YOD1: variants seen among roughly 807,000 people sequenced by gnomAD.
The protein encoded by YOD1 is YOD1 deubiquitinase, also known as ubiquitin thioesterase OTU1.
Under a neutral mutation model 23.7 loss-of-function variants are expected in YOD1, and 17 were observed. That is an observed-to-expected ratio of 0.72 (90% CI 0.49 to 1.07). The LOEUF (loss-of-function observed/expected upper bound fraction) is 1.07, where lower values mean the gene tolerates loss of function less well. YOD1 is among the 50% of genes least tolerant of loss of function. The pLI, the probability that YOD1 is intolerant of heterozygous loss-of-function variation, is 0.00. For synonymous variants in YOD1, 191 were observed against 169.6 expected (o/e 1.13, Z -0.98); for missense variants, 413 against 447.2 (o/e 0.92, Z 0.69).
Position 207,048,784 on chromosome 1 carries a change from T to TGTCA in YOD1, c.*232_*235dup, listed in dbSNP as rs1402434829. 2 of 480,660 alleles carry TGTCA rather than the reference T, an allele frequency of 4.2e-6. No individual in the cohort carries two copies. Among genetic ancestry groups the TGTCA allele is most frequent in the Non-Finnish European group, 7.4e-6 (2 of 269,498 alleles). The allele number at this position is 480,660 out of a possible 1,614,324, so 29.8% of individuals were successfully genotyped here. On this transcript the variant is annotated 3_prime_UTR_variant, in exon 2 of 2. Coordinates refer to ENST00000315927, the MANE Select transcript of YOD1 (RefSeq NM_018566.4). Reference sequence around the variant, plus strand: ...AGTAGGTGGCAAGGATCACCTATTCTGTCACTCCAGCAGAAAGAGGCATGT... The same window carrying TGTCA: ...AGTAGGTGGCAAGGATCACCTATTCTGTCAGTCACTCCAGCAGAAAGAGGCATGT...
chr1:207,044,612 G>A lies in YOD1; in HGVS notation c.*4408C>T, dbSNP rs921856979. On this transcript the variant is annotated 3_prime_UTR_variant, in exon 2 of 2. Transcript: ENST00000315927. ...GTATAAAAGGGCATCATGGCAAAAT[G>A]CTTATAATTCATGGTTTCATACTTT... The A allele has an allele frequency of 6.6e-6, 1 of 152,232 alleles. No homozygotes were observed. The highest frequency in any genetic ancestry group is 1.5e-5 in the Non-Finnish European group (1 of 67,954). 9.4% of individuals were successfully genotyped at this position (152,232 alleles called of 1,614,324 possible). A position where few individuals can be genotyped will look rare whatever the true frequency, so the allele number is the denominator to read the frequency against.
rs189355581 is a variant in YOD1, at chr1:207,049,249, C to T, written c.818G>A (p.Arg273His). The T allele has an allele frequency of 9.9e-6, 16 of 1,613,954 alleles. No individual in the cohort carries two copies. The highest frequency in any genetic ancestry group is 8.0e-5 in the African/African-American group (6 of 74,866). ...YDGIHYDPLQRNFPDPDTPPL... is the reference protein window; with the variant it reads ...YDGIHYDPLQHNFPDPDTPPL... ...AGGTGTATCTGGATCAGGGAAGTTA[C>T]GCTGAAGTGGATCATAGTGGATGCC... is the stretch of plus-strand genomic sequence containing the variant. The change falls in exon 2 of 2, where the codon CGT becomes CAT. Residue 273 changes from arginine to histidine, a missense_variant. Arg to His is a conservative substitution (Grantham distance 29). Transcript: ENST00000315927.
chr1:207,046,072 A>C lies in YOD1; in HGVS notation c.*2948T>G, dbSNP rs1682594889. 1 of 152,096 alleles carries C rather than the reference A, an allele frequency of 6.6e-6. No homozygotes were observed. Among genetic ancestry groups the C allele is most frequent in the African/African-American group, 2.4e-5 (1 of 41,456 alleles). The allele number at this position is 152,096 out of a possible 1,614,324, so 9.4% of individuals were successfully genotyped here. A position where few individuals can be genotyped will look rare whatever the true frequency, so the allele number is the denominator to read the frequency against. On this transcript the variant is annotated 3_prime_UTR_variant, in exon 2 of 2. Transcript: ENST00000315927. The stretch of plus-strand genomic sequence containing the variant: ...TCTGAAATCACTTTATTCAGGAGTG[A>C]ATCTTCATAGTACTACACCTGACCT...
chr1:207,051,112 T>G lies in YOD1; in HGVS notation c.-82A>C. Reference sequence around the variant, plus strand: ...TAGTACCTTAGCAAGCGCGAACTCTTTTAAAGTGACAACTGATTTTTCCCC... The same window carrying G: ...TAGTACCTTAGCAAGCGCGAACTCTGTTAAAGTGACAACTGATTTTTCCCC... On this transcript the variant is annotated 5_prime_UTR_variant, in exon 1 of 2. Transcript: ENST00000315927. 7.0e-7 allele frequency: 1 copy of G among 1,427,968 alleles called. No homozygotes were observed. The allele number at this position is 1,427,968 out of a possible 1,614,324, so 88.5% of individuals were successfully genotyped here.
upstream of YOD1, chr1:207,052,090 C>T (rs930375659): frequency 2.0e-6 from 2 of 1,025,364 alleles, no homozygotes; most frequent in Non-Finnish European, 3.0e-6. Context: ...GGGATTCAGA[C>T]AGCAAGTCCC....
In YOD1 at chr1:207,047,988, C is replaced by T. The variant is rs1345698003; in HGVS notation, c.*1032G>A. On this transcript the variant is annotated 3_prime_UTR_variant, in exon 2 of 2. Transcript: ENST00000315927. ...GTGCAAAAAATCTTACAAAAACCAA[C>T]CCAAAGCAGAGCATTATTACTTGAA... 1 of 152,118 alleles carries T rather than the reference C, an allele frequency of 6.6e-6. No individual in the cohort carries two copies. The highest frequency in any genetic ancestry group is 2.4e-5 in the African/African-American group (1 of 41,380). The allele number at this position is 152,118 out of a possible 1,614,324, so 9.4% of individuals were successfully genotyped here.
Position 207,046,768 on chromosome 1 carries a change from T to C in YOD1, c.*2252A>G, listed in dbSNP as rs1682608398. ...TCTATTCCTTTCCATTTGTTAAATT[T>C]ACCCACTGTAGAAAATATATACTGA... On this transcript the variant is annotated 3_prime_UTR_variant, in exon 2 of 2. Coordinates refer to ENST00000315927, the MANE Select transcript of YOD1 (RefSeq NM_018566.4). The C allele has an allele frequency of 6.6e-6, 1 of 152,132 alleles. No homozygotes were observed. 9.4% of individuals were successfully genotyped at this position (152,132 alleles called of 1,614,324 possible).
chr1:207,050,526 T>C (rs1325291796), intron 1 of YOD1, among the ~76,000 whole-genome samples, 162 bp downstream of exon 1: 1 of 152,210 alleles, frequency 6.6e-6, no homozygotes, highest in Non-Finnish European at 1.5e-5. Flanking sequence ...ACACTTGCCC[T>C]GGCCCCCGTC....
chr1:207,050,265 G>A (rs74863032), intron 1 of YOD1, among the ~76,000 whole-genome samples: 3 of 151,926 alleles, frequency 2.0e-5, no homozygotes, highest in East Asian at 1.9e-4. Context: ...CCTGTCAAAC[G>A]AAGTATCTAC....
intron 1 of YOD1, 75 bp downstream of exon 1, chr1:207,050,613 A>C: frequency 6.3e-7 from 1 of 1,586,410 alleles, no homozygotes; most frequent in Non-Finnish European, 8.6e-7. Flanking sequence ...CCTTGCCTTG[A>C]CTGGTGTTTT....
chr1:207,048,975 C>G lies in YOD1; in HGVS notation c.*45G>C. ...AGCTTATTGGAAAACCCAGAGCCTT[C>G]TGGATGTGTGAGGTAGTAGGCTTCA... On this transcript the variant is annotated 3_prime_UTR_variant, in exon 2 of 2. Coordinates refer to ENST00000315927, the MANE Select transcript of YOD1 (RefSeq NM_018566.4). 6.4e-7 allele frequency: 1 copy of G among 1,556,040 alleles called. No individual in the cohort carries two copies. The highest frequency in any genetic ancestry group is 8.7e-7 in the Non-Finnish European group (1 of 1,143,228).
rs745927231 is a variant in YOD1, at chr1:207,044,825, TC to T, written c.*4194del. ...TTGTCTTCTTGGCCCTTTTCTCCCT[TC>T]ACTCTACCATGAGGGGGTTACCAAC... On this transcript the variant is annotated 3_prime_UTR_variant, in exon 2 of 2. Coordinates refer to ENST00000315927, the MANE Select transcript of YOD1 (RefSeq NM_018566.4). The T allele has an allele frequency of 1.3e-5, 2 of 152,510 alleles. No individual in the cohort carries two copies. Among genetic ancestry groups the T allele is most frequent in the Non-Finnish European group, 2.9e-5 (2 of 67,948 alleles). 9.4% of individuals were successfully genotyped at this position (152,510 alleles called of 1,614,324 possible).
At position 207,051,046 on chromosome 1, in the gene YOD1, G is replaced by C. The variant is rs780176161; in HGVS notation, c.-16C>G. ...GGCCAAACATCGCGAGAAGTTGCGGGTGGTTGCAGTTATCGCGACGCTTCG... is the reference window on the plus strand; with the variant it reads ...GGCCAAACATCGCGAGAAGTTGCGGCTGGTTGCAGTTATCGCGACGCTTCG... On this transcript the variant is annotated 5_prime_UTR_variant, in exon 1 of 2. Transcript: ENST00000315927. 4 of 1,487,382 alleles carry C rather than the reference G, an allele frequency of 2.7e-6. No homozygotes were observed. In the South Asian group the frequency reaches 5.1e-5, roughly 19 times the overall value. The allele number at this position is 1,487,382 out of a possible 1,614,324, so 92.1% of individuals were successfully genotyped here. A position where few individuals can be genotyped will look rare whatever the true frequency, so the allele number is the denominator to read the frequency against.
At chr1:207,050,199 A>T (rs147656233) in intron 1 of YOD1, among the ~76,000 whole-genome samples, 1 of 152,344 alleles carries the variant, frequency 6.6e-6, no homozygotes, top group African/African-American at 2.4e-5. Context: ...GCTGCTGGTT[A>T]GAAATTGAAA....
rs987420795 is a variant in YOD1 at position 207,045,097 on chromosome 1, C to T, written c.*3923G>A. 5 of 152,406 alleles carry T rather than the reference C, an allele frequency of 3.3e-5. No individual in the cohort carries two copies. The highest frequency in any genetic ancestry group is 1.3e-4 in the Admixed American group (2 of 15,276). 9.4% of individuals were successfully genotyped at this position (152,406 alleles called of 1,614,324 possible). A position where few individuals can be genotyped will look rare whatever the true frequency, so the allele number is the denominator to read the frequency against. The stretch of plus-strand genomic sequence containing the variant: ...TAGCTTATTCAAATCAAGTGTTTCA[C>T]TTTGGACTTAAAATGATGCCACTTG... On this transcript the variant is annotated 3_prime_UTR_variant, in exon 2 of 2. Transcript: ENST00000315927.
At position 207,049,104 on chromosome 1, in the gene YOD1, C is replaced by T. The variant is rs1682667462; in HGVS notation, c.963G>A (p.Met321Ile). 6.2e-7 allele frequency: 1 copy of T among 1,613,834 alleles called. No individual in the cohort carries two copies. Among genetic ancestry groups the T allele is most frequent in the Non-Finnish European group, 8.5e-7 (1 of 1,180,004 alleles). ...TDVNRFTLRC[M>I]VCQKGLTGQA... ...GTCCAGTTAATCCTTTCTGACATAC[C>T]ATGCATCTCAGGGTGAAGCGGTTGA... Residue 321 changes from methionine (M) to isoleucine (I), a missense_variant, in exon 2 of 2, where the codon ATG (methionine) becomes ATA (isoleucine). Physicochemically the swap from Met to Ile is conservative, Grantham distance 10. Transcript: ENST00000315927.
chr1:207,050,870 T>C lies in YOD1; in HGVS notation c.161A>G (p.Lys54Arg). ...DTMWRLRCKA[K>R]DGTHVLQGLS... ...CCCCTGCAAAACATGGGTGCCGTCC[T>C]TGGCCTTGCAGCGGAGCCGCCACAT... Residue 54 changes from lysine (K) to arginine (R), a missense_variant, in exon 1 of 2, where the codon AAG becomes AGG. Physicochemically the swap from Lys to Arg is conservative, Grantham distance 26. Transcript: ENST00000315927. 1.2e-6 allele frequency: 2 copies of C among 1,611,276 alleles called. No homozygotes were observed. The highest frequency in any genetic ancestry group is 1.1e-5 in the South Asian group (1 of 90,986).
At chr1:207,050,313 C>A (rs1682706167) in intron 1 of YOD1, among the ~76,000 whole-genome samples, 1 of 152,016 alleles carries the variant, frequency 6.6e-6, no homozygotes, top group Admixed American at 6.6e-5. Flanking sequence ...AAAAAAAAAT[C>A]CTGCACCCTT....
At chr1:207,049,852 G>T in intron 1 of YOD1, 129 bp from the exon 2 acceptor site, 1 of 797,246 alleles carries the variant, frequency 1.3e-6, no homozygotes. Flanking sequence ...GGAGAATACA[G>T]TTTTGCAAGT....
Sources: gnomAD v4.1 joint callset for allele counts (sites outside exome capture counted in the v4.1 genomes callset) on GRCh38, gnomAD v4.1.1 for gene constraint, MANE v1.5 for transcripts, NCBI Gene and HGNC (gene_info 2026-07-23, HGNC 2026-07-21) for gene names.